The following AKAP9 variants were observed in gnomAD, a reference collection of about 807,000 sequenced individuals.
AKAP9 encodes the protein A-kinase anchor protein 9.
In AKAP9, 311 loss-of-function variants were observed where a neutral mutation model predicts 488.5. That is an observed-to-expected ratio of 0.64 (90% CI 0.58 to 0.70). The LOEUF is 0.70. Ranked by LOEUF, AKAP9 falls within the 30% of genes least tolerant of loss-of-function variation. The pLI, the probability that AKAP9 is intolerant of heterozygous loss-of-function variation, is 0.00. For missense variants in AKAP9, 4,215 were observed against 4,374.5 expected, an observed-to-expected ratio of 0.96 and a Z score of 1.03; for synonymous variants, 1,462 against 1,483.5, an observed-to-expected ratio of 0.99 and a Z score of 0.33.
intron 2 of AKAP9, among the ~76,000 whole-genome samples, chr7:91,975,297 C>T (rs1795517318): frequency 6.6e-6 from 1 of 152,154 alleles, no homozygotes; most frequent in Non-Finnish European, 1.5e-5. Context: ...TATTTACAGG[C>T]ATGAACCACT....
At chr7:91,995,958 T>C (rs1157047082) in intron 7 of AKAP9, 158 bp downstream of exon 7, 3 of 641,552 alleles carry the variant, frequency 4.7e-6, no homozygotes, top group East Asian at 5.4e-5. Flanking sequence ...ATCTCAGTAA[T>C]GTAGTTTTTA....
intron 7 of AKAP9, among the ~76,000 whole-genome samples, chr7:92,000,338 GAC>G (rs2130660685): frequency 6.6e-6 from 1 of 152,322 alleles, no homozygotes; most frequent in African/African-American, 2.4e-5. Context: ...CTGAAGTTAA[GAC>G]AGACCGTTAG....
chr7:91,991,616 C>T (rs1797767121), intron 3 of AKAP9, among the ~76,000 whole-genome samples: 1 of 152,010 alleles, frequency 6.6e-6, no homozygotes, highest in African/African-American at 2.4e-5. Context: ...GGACTACAGG[C>T]ACCCGCCACC....
At chr7:92,030,620 C>T (rs1169971352) in intron 15 of AKAP9, among the ~76,000 whole-genome samples, 3 of 132,880 alleles carry the variant, frequency 2.3e-5, no homozygotes, top group African/African-American at 6.0e-5. Context: ...CCAGCCTGGG[C>T]GACAGAACAA....
chr7:91,985,673 AG>A (rs1319099046), intron 3 of AKAP9, among the ~76,000 whole-genome samples: 1 of 151,904 alleles, frequency 6.6e-6, no homozygotes, highest in Non-Finnish European at 1.5e-5. Flanking sequence ...TCTGTGGCGG[AG>A]TCTCACTCTT....
intron 1 of AKAP9, among the ~76,000 whole-genome samples, chr7:91,962,723 C>T (rs1050417668): frequency 1.3e-5 from 2 of 152,044 alleles, no homozygotes; most frequent in African/African-American, 4.8e-5. Context: ...AAAAGTGATT[C>T]GTTCTAAGCA....
At chr7:91,954,655 GC>G (rs1216717201) in intron 1 of AKAP9, among the ~76,000 whole-genome samples, 3 of 152,178 alleles carry the variant, frequency 2.0e-5, no homozygotes, top group Admixed American at 2.0e-4. Context: ...TAATCATCTA[GC>G]CTAGAGGCTC....
intron 2 of AKAP9, among the ~76,000 whole-genome samples, chr7:91,977,741 C>A (rs1214639407): frequency 6.6e-6 from 1 of 152,028 alleles, no homozygotes; most frequent in African/African-American, 2.4e-5. Flanking sequence ...TGCAGTGTGG[C>A]AACTCTACTG....
chr7:92,017,891 G>A (rs1376232221), intron 12 of AKAP9, among the ~76,000 whole-genome samples: 1 of 151,970 alleles, frequency 6.6e-6, no homozygotes, highest in African/African-American at 2.4e-5. Context: ...ACCTACTCCA[G>A]TAGATTTATA....
chr7:92,079,071 AT>A lies in AKAP9; in HGVS notation c.6946-6del, dbSNP rs750471110. ...ATTATGTATGTTACCTTTTTCATTAATTATTAGGTTATTGAAGAAAAAAATG... is the reference window on the plus strand; with the variant it reads ...ATTATGTATGTTACCTTTTTCATTAATATTAGGTTATTGAAGAAAAAAATG... On this transcript the variant is annotated splice_polypyrimidine_tract_variant and splice_region_variant and intron_variant, in intron 30 of 49. Transcript: ENST00000356239. The A allele has an allele frequency of 1.3e-5, 20 of 1,567,098 alleles. No individual in the cohort carries two copies. The African/African-American group carries it at 2.8e-4, about 22-fold the overall frequency.
chr7:91,968,516 G>C (rs1794687576), intron 1 of AKAP9, among the ~76,000 whole-genome samples: 1 of 152,050 alleles, frequency 6.6e-6, no homozygotes, highest in African/African-American at 2.4e-5. Flanking sequence ...AAGGTTTGTT[G>C]ATTTTGTTTA....
At chr7:91,957,860 CT>C (rs2130497497) in intron 1 of AKAP9, among the ~76,000 whole-genome samples, 1 of 152,174 alleles carries the variant, frequency 6.6e-6, no homozygotes, top group South Asian at 2.1e-4. Context: ...CTTAATTACC[CT>C]CCTTATTTTG....
intron 24 of AKAP9, chr7:92,063,519 A>C: frequency 1.0e-6 from 1 of 983,566 alleles, no homozygotes; most frequent in Non-Finnish European, 1.2e-6. Context: ...ATACCATTGC[A>C]TGGCCAATGT....
At chr7:92,023,365 A>T (rs188225893) in intron 14 of AKAP9, among the ~76,000 whole-genome samples, 72 of 152,322 alleles carry the variant, frequency 4.7e-4, no homozygotes, top group African/African-American at 1.7e-3. Context: ...ATAAGGTAGG[A>T]TCATTCCAGT....
intron 40 of AKAP9, among the ~76,000 whole-genome samples, chr7:92,095,863 T>C (rs1816480334): frequency 6.6e-6 from 1 of 152,204 alleles, no homozygotes; most frequent in South Asian, 2.1e-4. Context: ...GGACATGATA[T>C]CTCCCTAGGT....
rs148635511 is a variant in AKAP9, at chr7:92,105,698, G to A, written c.11351G>A (p.Arg3784Gln). 1.1e-5 allele frequency: 18 copies of A among 1,613,994 alleles called. No homozygotes were observed. The African/African-American group carries it at 1.2e-4, about 11-fold the overall frequency. Residue 3784 changes from arginine (R) to glutamine (Q), a missense_variant, in exon 47 of 50, where the codon CGG becomes CAG. Coordinates refer to ENST00000356239, the MANE Select transcript of AKAP9 (RefSeq NM_005751.5). The stretch of plus-strand genomic sequence containing the variant: ...TTTAGAATGAAATTTTTGGTTCGAC[G>A]GTGGCATCGAGTCACAGGTTCTGTT... ...AISRMKFLVR[R>Q]WHRVTGSVSI...
intron 8 of AKAP9, among the ~76,000 whole-genome samples, chr7:92,009,289 C>T (rs962268370): frequency 1.6e-4 from 25 of 152,112 alleles, no homozygotes; most frequent in Admixed American, 1.0e-3. Flanking sequence ...TCAAAACCTA[C>T]GTATAGATAC....
intron 28 of AKAP9, among the ~76,000 whole-genome samples, chr7:92,073,949 C>T (rs1368142317): frequency 1.3e-5 from 2 of 152,176 alleles, no homozygotes; most frequent in African/African-American, 2.4e-5. Context: ...CCATTCAGGA[C>T]ATAGGCATGG....
At chr7:91,952,608 G>A (rs1792399532) in intron 1 of AKAP9, among the ~76,000 whole-genome samples, 1 of 152,150 alleles carries the variant, frequency 6.6e-6, no homozygotes, top group Admixed American at 6.5e-5. Context: ...AATGGAAAAA[G>A]CACAGAGATG....
Sources: allele counts gnomAD v4.1 joint callset (sites outside exome capture counted in the v4.1 genomes callset), GRCh38; gene constraint gnomAD v4.1.1; transcripts MANE v1.5; gene names NCBI Gene and HGNC (gene_info 2026-07-23, HGNC 2026-07-21).